Variants in PRKCB observed in about 807,000 individuals in gnomAD.
PRKCB encodes protein kinase C beta.
Under a neutral mutation model 81.5 loss-of-function variants are expected in PRKCB, and 13 were observed. The observed-to-expected ratio is 0.16, with a 90% CI of 0.10 to 0.25. The LOEUF is 0.25. PRKCB is among the 10% of genes least tolerant of loss of function. PRKCB has a pLI of 1.00. For synonymous variants in PRKCB, 335 were observed against 321.4 expected (o/e 1.04, Z -0.45); for missense variants, 509 against 875.7 (o/e 0.58, Z 5.29).
At chr16:24,190,366 G>T (rs1277881595) in intron 15 of PRKCB, among the ~76,000 whole-genome samples, 1 of 152,102 alleles carries the variant, frequency 6.6e-6, no homozygotes, top group Admixed American at 6.5e-5. Flanking sequence ...CAGTTTTCTT[G>T]TTGTGGGAGG....
chr16:24,092,527 G>A (rs1384208183), intron 5 of PRKCB, among the ~76,000 whole-genome samples: 1 of 152,144 alleles, frequency 6.6e-6, no homozygotes. Flanking sequence ...TGGAAAATAA[G>A]CTTAGAAAAC....
intron 2 of PRKCB, among the ~76,000 whole-genome samples, chr16:23,881,904 A>G (rs1486815090): frequency 2.6e-5 from 4 of 151,782 alleles, no homozygotes; most frequent in Non-Finnish European, 5.9e-5. Context: ...TAGATGCCTC[A>G]TGTAAGTGGA....
intron 2 of PRKCB, among the ~76,000 whole-genome samples, chr16:23,865,689 G>T (rs1962777156): frequency 6.6e-6 from 1 of 150,932 alleles, no homozygotes; most frequent in Non-Finnish European, 1.5e-5. Context: ...GCCCCAAGGG[G>T]CTCTTCTTGG....
At chr16:24,175,387 A>C (rs976396595) in intron 12 of PRKCB, among the ~76,000 whole-genome samples, 5 of 150,430 alleles carry the variant, frequency 3.3e-5, no homozygotes, top group Admixed American at 3.3e-4. Flanking sequence ...TATTCTAGGC[A>C]CTCTTCTGGG....
intron 2 of PRKCB, among the ~76,000 whole-genome samples, chr16:23,891,472 AG>A (rs1963293812): frequency 6.6e-6 from 1 of 152,166 alleles, no homozygotes; most frequent in Non-Finnish European, 1.5e-5. Flanking sequence ...TTTCCTGTTG[AG>A]AGTGAGTAAA....
rs1348977540 is a variant in PRKCB, at chr16:23,950,138, T to G, written c.206-38370T>G. Among the ~76,000 whole-genome samples, 455 of 141,900 alleles carry G rather than the reference T, an allele frequency of 3.2e-3. 16 individuals are homozygous for G. Among genetic ancestry groups the G allele is most frequent in the African/African-American group, 9.5e-3 (361 of 38,178 alleles). 93.1% of individuals were successfully genotyped at this position (141,900 alleles called of 152,430 possible). ...ATTGGCCCCTATGATTTGAATTTTT[T>G]TTTTTTTTTTTTTTTTTTTTCTGTT... is the stretch of plus-strand genomic sequence containing the variant. On this transcript the variant is annotated intron_variant, in intron 2 of 16. Transcript: ENST00000643927.
At chr16:24,103,509 A>T (rs1313198798) in intron 7 of PRKCB, among the ~76,000 whole-genome samples, 1 of 152,188 alleles carries the variant, frequency 6.6e-6, no homozygotes, top group East Asian at 1.9e-4. Context: ...AAAAGATTAT[A>T]TTAGCTATTC....
intron 2 of PRKCB, among the ~76,000 whole-genome samples, chr16:23,945,927 C>T (rs1302166158): frequency 6.6e-6 from 1 of 152,080 alleles, no homozygotes; most frequent in East Asian, 1.9e-4. Flanking sequence ...TACCACACCA[C>T]CAGGAGGAAT....
chr16:24,028,167 C>CAA (rs1965506279), intron 3 of PRKCB, among the ~76,000 whole-genome samples: 1 of 152,188 alleles, frequency 6.6e-6, no homozygotes, highest in Admixed American at 6.5e-5. Flanking sequence ...CAGCTCACTG[C>CAA]AACCTCTGCC....
At chr16:24,207,912 T>C (rs1336323547) in intron 16 of PRKCB, among the ~76,000 whole-genome samples, 1 of 152,138 alleles carries the variant, frequency 6.6e-6, no homozygotes, top group East Asian at 1.9e-4. Context: ...ATGAGTGTTC[T>C]AGGAACTGGA....
chr16:23,918,176 G>A (rs1963771169), intron 2 of PRKCB, among the ~76,000 whole-genome samples: 1 of 152,012 alleles, frequency 6.6e-6, no homozygotes, highest in Non-Finnish European at 1.5e-5. Context: ...GGGATGGGAG[G>A]GAGCCAACAA....
intron 5 of PRKCB, among the ~76,000 whole-genome samples, chr16:24,083,391 A>C (rs1966273930): frequency 6.6e-6 from 1 of 152,234 alleles, no homozygotes; most frequent in South Asian, 2.1e-4. Flanking sequence ...CCGTGAGTAT[A>C]TCAGCTCTAT....
chr16:24,080,410 G>A (rs940594576), intron 5 of PRKCB, among the ~76,000 whole-genome samples: 4 of 152,152 alleles, frequency 2.6e-5, no homozygotes, highest in Non-Finnish European at 5.9e-5. Context: ...TTGCACCAAA[G>A]GGAGGAGACC....
intron 2 of PRKCB, among the ~76,000 whole-genome samples, chr16:23,956,680 T>C (rs562596595): frequency 2.0e-5 from 3 of 152,214 alleles, no homozygotes; most frequent in Non-Finnish European, 4.4e-5. Context: ...CGAAAGTGCC[T>C]CTTAGAAAAT....
At chr16:24,145,929 A>G (rs1291955122) in intron 9 of PRKCB, among the ~76,000 whole-genome samples, 1 of 152,218 alleles carries the variant, frequency 6.6e-6, no homozygotes, top group Non-Finnish European at 1.5e-5. Context: ...TCACTTGGAC[A>G]TAGGGTCTTT....
chr16:23,860,247 A>G (rs1453879667), intron 2 of PRKCB, among the ~76,000 whole-genome samples: 4 of 152,206 alleles, frequency 2.6e-5, no homozygotes, highest in Non-Finnish European at 4.4e-5. Context: ...ACCAAAAAAA[A>G]GTACTATAAA....
intron 5 of PRKCB, among the ~76,000 whole-genome samples, chr16:24,089,981 T>G (rs1966358330): frequency 6.6e-6 from 1 of 152,176 alleles, no homozygotes; most frequent in African/African-American, 2.4e-5. Context: ...ATCAAGAAAT[T>G]GAGGTTCATA....
intron 16 of PRKCB, among the ~76,000 whole-genome samples, chr16:24,195,988 C>G (rs1181923527): frequency 6.6e-6 from 1 of 152,320 alleles, no homozygotes; most frequent in Admixed American, 6.5e-5. Context: ...TGATCCCCAC[C>G]GTGCCTTGCC....
intron 8 of PRKCB, among the ~76,000 whole-genome samples, chr16:24,118,786 G>A (rs943915048): frequency 2.6e-5 from 4 of 152,204 alleles, no homozygotes; most frequent in African/African-American, 9.7e-5. Flanking sequence ...TAAAGGACGA[G>A]TTTAATTTGT....
Sources: allele counts gnomAD v4.1 joint callset (sites outside exome capture counted in the v4.1 genomes callset), GRCh38; gene constraint gnomAD v4.1.1; transcripts MANE v1.5; gene names NCBI Gene and HGNC (gene_info 2026-07-23, HGNC 2026-07-21).